Variants in DKK3 observed in about 807,000 individuals in gnomAD.
DKK3 encodes the protein dickkopf Wnt signaling pathway inhibitor 3.
A neutral mutation model predicts 33.2 loss-of-function variants in DKK3; 22 were observed. The ratio of observed to expected loss-of-function variants is 0.66; its 90% CI spans 0.47 to 0.95. The LOEUF is 0.95. Ranked by LOEUF, DKK3 falls within the 40% of genes least tolerant of loss-of-function variation. The probability of loss-of-function intolerance (pLI) is 0.00; values close to 1 mark genes in which losing one functional copy is unlikely to be tolerated. For synonymous variants in DKK3, 194 were observed against 188.8 expected (o/e 1.03, Z -0.23); for missense variants, 398 against 458.4 (o/e 0.87, Z 1.20).
At position 12,008,610 on chromosome 11, in the gene DKK3, T is replaced by C. The variant is rs1004396369; in HGVS notation, c.-28A>G. ...CCGCTCTGCGCCCGCAGCCGCCGCC[T>C]GTGTGTCCCGGAACGCGATCAGAGG... On this transcript the variant is annotated 5_prime_UTR_variant, in exon 1 of 7. Transcript: ENST00000683431. The surrounding 1 kb of genome is among the most constrained non-coding windows in gnomAD (Gnocchi z 4.6). 10 of 1,371,482 alleles carry C rather than the reference T, an allele frequency of 7.3e-6. No individual in the cohort carries two copies. The highest frequency in any genetic ancestry group is 9.3e-6 in the Non-Finnish European group (10 of 1,072,354). 85.0% of individuals were successfully genotyped at this position (1,371,482 alleles called of 1,614,324 possible).
intron 5 of DKK3, among the ~76,000 whole-genome samples, 175 bp downstream of exon 5, chr11:11,966,779 T>C (rs1327891035): frequency 1.3e-5 from 2 of 152,064 alleles, no homozygotes; most frequent in African/African-American, 2.4e-5. Context: ...AAAGAGGTGG[T>C]CTTCCCACTC....
rs114947976 is a variant in DKK3 at position 11,995,695 on chromosome 11, G to A, written c.435+3001C>T. 3.9e-3 allele frequency among the ~76,000 whole-genome samples: 601 copies of A among 152,294 alleles called. 4 individuals carry two copies. Among genetic ancestry groups the A allele is most frequent in the African/African-American group, 0.014 (581 of 41,570 alleles). ...CTTGCCCATGCTCTAGCTTCTACAT[G>A]CTGCTTTCCTCCTCACCCCCAGCAC... On this transcript the variant is annotated intron_variant, in intron 3 of 6. Coordinates refer to ENST00000683431, the MANE Select transcript of DKK3 (RefSeq NM_001018057.2).
At chr11:11,977,224 C>T (rs1261460410) in intron 3 of DKK3, among the ~76,000 whole-genome samples, 1 of 152,160 alleles carries the variant, frequency 6.6e-6, no homozygotes, top group Non-Finnish European at 1.5e-5. Context: ...CCTTTAGTGC[C>T]TGTCATGCCT....
chr11:11,982,118 A>T (rs1847967229), intron 3 of DKK3, among the ~76,000 whole-genome samples: 1 of 152,118 alleles, frequency 6.6e-6, no homozygotes, highest in African/African-American at 2.4e-5. Context: ...CTGGGCAATG[A>T]ACAGCAGACA....
intron 2 of DKK3, 32 bp downstream of exon 2, chr11:12,002,268 A>G: frequency 6.2e-7 from 1 of 1,606,534 alleles, no homozygotes; most frequent in South Asian, 1.1e-5. Context: ...ACTGGACGCT[A>G]TAGAAAGGAG....
Position 11,965,744 on chromosome 11 carries a change from C to T in DKK3, c.830+65G>A, listed in dbSNP as rs142127034. The T allele has an allele frequency of 1.5e-3, 2,328 of 1,565,346 alleles. 2 individuals are homozygous for T. Among genetic ancestry groups the T allele is most frequent in the Non-Finnish European group, 1.8e-3 (2,117 of 1,156,948 alleles). ...CAGGGAAAACCTGCTCCTGCTCCTACGCCCCTGCTGGATGGCACCTCCTCA... is the reference window on the plus strand; with the variant it reads ...CAGGGAAAACCTGCTCCTGCTCCTATGCCCCTGCTGGATGGCACCTCCTCA... On this transcript the variant is annotated intron_variant, in intron 6 of 6. Coordinates refer to ENST00000683431, the MANE Select transcript of DKK3 (RefSeq NM_001018057.2).
At chr11:11,965,728 C>G in intron 6 of DKK3, 81 bp downstream of exon 6, 1 of 1,520,196 alleles carries the variant, frequency 6.6e-7, no homozygotes, top group Non-Finnish European at 8.8e-7. Context: ...CCAGGGAAAA[C>G]CTGCTCCTGC....
Position 11,964,455 on chromosome 11 carries a change from G to A in DKK3, c.*9C>T, listed in dbSNP as rs763132119. The A allele has an allele frequency of 6.2e-7, 1 of 1,608,890 alleles. No individual in the cohort carries two copies. The highest frequency in any genetic ancestry group is 1.1e-5 in the South Asian group (1 of 91,072). On this transcript the variant is annotated 3_prime_UTR_variant, in exon 7 of 7. Transcript: ENST00000683431. ...TCTATTGCACATCTACCCACAGCCT[G>A]GTCCAGATCTAAATCTCTTCCCCTC...
chr11:11,970,123 A>T (rs1054468785), intron 3 of DKK3, among the ~76,000 whole-genome samples: 3 of 152,224 alleles, frequency 2.0e-5, no homozygotes, highest in Non-Finnish European at 4.4e-5. Flanking sequence ...CAGAATGGCA[A>T]GAAAATGGAG....
At chr11:11,967,412 C>G (rs1040649196) in intron 4 of DKK3, among the ~76,000 whole-genome samples, 4 of 152,156 alleles carry the variant, frequency 2.6e-5, no homozygotes, top group African/African-American at 9.7e-5. Context: ...TCCCTTTTTC[C>G]TTAGGTCCCT....
intron 2 of DKK3, among the ~76,000 whole-genome samples, chr11:12,000,311 T>C (rs867018573): frequency 5.0e-4 from 76 of 152,258 alleles, no homozygotes; most frequent in African/African-American, 1.7e-3. Context: ...GTTCAAGTGA[T>C]TCTCCTGCCT....
At chr11:12,004,559 G>C (rs1205037521) in intron 1 of DKK3, among the ~76,000 whole-genome samples, 1 of 152,202 alleles carries the variant, frequency 6.6e-6, no homozygotes, top group Non-Finnish European at 1.5e-5. Context: ...GAAAGTACCA[G>C]GATTCTGGAG....
At chr11:11,985,559 C>G (rs1030237975) in intron 3 of DKK3, among the ~76,000 whole-genome samples, 1 of 152,180 alleles carries the variant, frequency 6.6e-6, no homozygotes, top group African/African-American at 2.4e-5. Flanking sequence ...TTTTGCAAGG[C>G]AGTGTTCAGT....
intron 3 of DKK3, among the ~76,000 whole-genome samples, chr11:11,977,291 C>T (rs11603015): frequency 0.14 from 20,713 of 151,872 alleles, 1,788 homozygotes; most frequent in Middle Eastern, 0.38. Context: ...TCCCTCTTCT[C>T]CTTCCAATAT....
intron 1 of DKK3, among the ~76,000 whole-genome samples, chr11:12,007,764 G>C (rs909658161): frequency 2.0e-4 from 30 of 152,310 alleles, no homozygotes; most frequent in African/African-American, 6.3e-4. Context: ...GGACAACTGC[G>C]AAGCACCGTT....
chr11:11,989,143 T>A (rs770944297), intron 3 of DKK3, among the ~76,000 whole-genome samples: 4 of 152,228 alleles, frequency 2.6e-5, no homozygotes, highest in Non-Finnish European at 4.4e-5. Flanking sequence ...CAGTATGGTG[T>A]TTCCTCAGAA....
At chr11:11,988,689 G>A (rs1421592626) in intron 3 of DKK3, among the ~76,000 whole-genome samples, 1 of 152,210 alleles carries the variant, frequency 6.6e-6, no homozygotes, top group Non-Finnish European at 1.5e-5. Flanking sequence ...CCATGGAGGG[G>A]TAAGGGTGGG....
At chr11:11,974,934 T>G (rs1847800651) in intron 3 of DKK3, among the ~76,000 whole-genome samples, 1 of 151,854 alleles carries the variant, frequency 6.6e-6, no homozygotes, top group Admixed American at 6.6e-5. Flanking sequence ...AAGAACGAAC[T>G]GACCAGTAGA....
At chr11:11,981,220 C>T (rs1454532316) in intron 3 of DKK3, among the ~76,000 whole-genome samples, 1 of 152,188 alleles carries the variant, frequency 6.6e-6, no homozygotes, top group African/African-American at 2.4e-5. Flanking sequence ...TTGTCAGGTG[C>T]CTGCCCTTTG....
Sources: gnomAD v4.1 joint callset for allele counts (sites outside exome capture counted in the v4.1 genomes callset) on GRCh38, gnomAD v4.1.1 for gene constraint, Gnocchi (gnomAD v3.1) non-coding constraint, MANE v1.5 for transcripts, NCBI Gene and HGNC (gene_info 2026-07-23, HGNC 2026-07-21) for gene names.